Variants in MGAT4C observed in about 807,000 individuals in gnomAD.
MGAT4C encodes alpha-1,3-mannosyl-glycoprotein 4-beta-N-acetylglucosaminyltransferase C.
Under a neutral mutation model 40.1 loss-of-function variants are expected in MGAT4C, and 19 were observed. That is an observed-to-expected ratio of 0.47 (90% confidence interval 0.33 to 0.70). MGAT4C has a LOEUF of 0.70. MGAT4C is among the 30% of genes least tolerant of loss of function. The pLI is 0.02. For synonymous variants in MGAT4C, 181 were observed against 187.1 expected, an observed-to-expected ratio of 0.97 and a Z score of 0.27; for missense variants, 491 against 563.2, an observed-to-expected ratio of 0.87 and a Z score of 1.30.
At chr12:86,301,826 C>G (rs1338790307) in intron 4 of MGAT4C, among the ~76,000 whole-genome samples, 1 of 152,166 alleles carries the variant, frequency 6.6e-6, no homozygotes, top group African/African-American at 2.4e-5. Context: ...TTGCTACGTG[C>G]ACTGATGCAA....
intron 2 of MGAT4C, among the ~76,000 whole-genome samples, chr12:86,724,208 G>T (rs1170997936): frequency 6.6e-6 from 1 of 152,042 alleles, no homozygotes; most frequent in Non-Finnish European, 1.5e-5. Flanking sequence ...ATAGTTTATG[G>T]CAAATGAGCA....
At chr12:86,528,174 C>T (rs1305832513) in intron 2 of MGAT4C, among the ~76,000 whole-genome samples, 1 of 151,886 alleles carries the variant, frequency 6.6e-6, no homozygotes, top group Non-Finnish European at 1.5e-5. Flanking sequence ...CATTTGAAAA[C>T]ATTTTAAAAT....
At chr12:86,697,931 T>A (rs1950286150) in intron 2 of MGAT4C, among the ~76,000 whole-genome samples, 1 of 152,152 alleles carries the variant, frequency 6.6e-6, no homozygotes, top group African/African-American at 2.4e-5. Context: ...CACAAATAGA[T>A]CTGCTTCATT....
intron 4 of MGAT4C, among the ~76,000 whole-genome samples, chr12:86,307,981 G>A (rs1212675689): frequency 6.6e-6 from 1 of 150,574 alleles, no homozygotes; most frequent in Non-Finnish European, 1.5e-5. Context: ...GGGATTACAG[G>A]CGTGAGCCAC....
chr12:86,612,604 A>C (rs1444334320), intron 2 of MGAT4C, among the ~76,000 whole-genome samples: 1 of 151,910 alleles, frequency 6.6e-6, no homozygotes, highest in African/African-American at 2.4e-5. Flanking sequence ...ACACAAAAAA[A>C]TTAGAGGGCA....
intron 2 of MGAT4C, among the ~76,000 whole-genome samples, chr12:85,996,650 T>A (rs541724611): frequency 1.3e-5 from 2 of 152,240 alleles, no homozygotes; most frequent in African/African-American, 4.8e-5. Context: ...TATATTAATA[T>A]AATACAAAGC....
intron 1 of MGAT4C, among the ~76,000 whole-genome samples, chr12:86,824,655 GTCA>G (rs2136230018): frequency 6.8e-6 from 1 of 146,016 alleles, no homozygotes; most frequent in South Asian, 2.2e-4. Context: ...GTCCCAGACT[GTCA>G]ACACTGAAGG....
In MGAT4C at chr12:86,500,237, A is replaced by G. The variant is rs535753359; in HGVS notation, c.-228-64972T>C. On this transcript the variant is annotated intron_variant, in intron 2 of 7. Coordinates refer to the MGAT4C transcript ENST00000548651. ...CACACACACATATCATATATTAAAA[A>G]CTTAGAACACACACAGCAAATTAGA... 5.9e-5 allele frequency among the ~76,000 whole-genome samples: 9 copies of G among 151,936 alleles called. No individual in the cohort carries two copies. In the East Asian group the frequency reaches 1.7e-3, roughly 29 times the overall value.
intron 1 of MGAT4C, among the ~76,000 whole-genome samples, chr12:86,172,181 T>C (rs1405708037): frequency 2.0e-5 from 3 of 152,152 alleles, no homozygotes; most frequent in Admixed American, 2.0e-4. Flanking sequence ...TAGTAATATA[T>C]ATCTCAGCTA....
chr12:86,644,935 T>A (rs1963494544), intron 2 of MGAT4C, among the ~76,000 whole-genome samples: 1 of 151,706 alleles, frequency 6.6e-6, no homozygotes, highest in Non-Finnish European at 1.5e-5. Flanking sequence ...TATTTTGAGT[T>A]AGGTACGGTT....
intron 1 of MGAT4C, among the ~76,000 whole-genome samples, chr12:86,766,907 G>C (rs1272610082): frequency 2.0e-5 from 3 of 151,934 alleles, no homozygotes; most frequent in Non-Finnish European, 4.4e-5. Context: ...ATGCCCACAA[G>C]AGAAAGCAGG....
chr12:86,647,851 A>G (rs147634532), intron 2 of MGAT4C, among the ~76,000 whole-genome samples: 1 of 152,064 alleles, frequency 6.6e-6, no homozygotes, highest in Non-Finnish European at 1.5e-5. Flanking sequence ...ATTTTCTCCC[A>G]GAAGTCTTCC....
chr12:86,072,413 G>GA (rs1271133487), intron 1 of MGAT4C, among the ~76,000 whole-genome samples: 1 of 150,814 alleles, frequency 6.6e-6, no homozygotes, highest in African/African-American at 2.4e-5. Flanking sequence ...AAGAAGAGAA[G>GA]AAAAAATTAC....
chr12:86,065,071 A>C (rs992971655), intron 1 of MGAT4C, among the ~76,000 whole-genome samples: 13 of 152,216 alleles, frequency 8.5e-5, no homozygotes, highest in African/African-American at 3.1e-4. Flanking sequence ...AGTAATTAAT[A>C]GCCTACCAAT....
intron 2 of MGAT4C, among the ~76,000 whole-genome samples, chr12:86,725,621 C>T (rs183027778): frequency 1.3e-5 from 2 of 152,052 alleles, no homozygotes; most frequent in Non-Finnish European, 2.9e-5. Flanking sequence ...CTGCCTCGCC[C>T]GGCTAATTTC....
At chr12:86,613,832 C>A (rs1450194076) in intron 2 of MGAT4C, among the ~76,000 whole-genome samples, 1 of 152,018 alleles carries the variant, frequency 6.6e-6, no homozygotes, top group East Asian at 1.9e-4. Context: ...AAAGACAAAT[C>A]TAAGGGTTGA....
At chr12:86,695,071 G>A (rs1950232070) in intron 2 of MGAT4C, among the ~76,000 whole-genome samples, 1 of 152,060 alleles carries the variant, frequency 6.6e-6, no homozygotes, top group Admixed American at 6.6e-5. Flanking sequence ...AACTCTACAG[G>A]AAAAAATCAA....
intron 1 of MGAT4C, among the ~76,000 whole-genome samples, chr12:86,837,102 T>G (rs901624859): frequency 1.3e-5 from 2 of 152,100 alleles, no homozygotes; most frequent in Non-Finnish European, 2.9e-5. Context: ...CTGTGAGTTA[T>G]TGGGGGAGAA....
At chr12:86,294,026 T>C (rs1441988578) in intron 4 of MGAT4C, among the ~76,000 whole-genome samples, 1 of 152,110 alleles carries the variant, frequency 6.6e-6, no homozygotes, top group Non-Finnish European at 1.5e-5. Context: ...AAATCTCCCA[T>C]GATGCAGTGT....
Sources: gnomAD v4.1 joint callset for allele counts (sites outside exome capture counted in the v4.1 genomes callset) on GRCh38, gnomAD v4.1.1 for gene constraint, MANE v1.5 for transcripts, NCBI Gene and HGNC (gene_info 2026-07-23, HGNC 2026-07-21) for gene names.